RGS7: variants seen among roughly 807,000 people sequenced by gnomAD.
RGS7 encodes the protein regulator of G protein signaling 7.
In RGS7, 27 loss-of-function variants were observed where a neutral mutation model predicts 81.1. That is an observed-to-expected ratio of 0.33 (90% CI 0.25 to 0.46). RGS7 has a LOEUF of 0.46. RGS7 is among the 20% of genes least tolerant of loss of function. The pLI is 1.00. For synonymous variants in RGS7, 208 were observed against 207.7 expected, an observed-to-expected ratio of 1.00 and a Z score of -0.01; for missense variants, 396 against 607.4, an observed-to-expected ratio of 0.65 and a Z score of 3.66.
intron 6 of RGS7, among the ~76,000 whole-genome samples, chr1:240,889,861 T>G (rs554027277): frequency 2.6e-5 from 4 of 152,166 alleles, no homozygotes; most frequent in Admixed American, 2.0e-4. Flanking sequence ...TCTTGTAGTG[T>G]CCCCTCCTCC....
At chr1:241,176,466 T>G (rs1286045708) in intron 2 of RGS7, among the ~76,000 whole-genome samples, 1 of 152,130 alleles carries the variant, frequency 6.6e-6, no homozygotes, top group Non-Finnish European at 1.5e-5. Context: ...AATCCTCAAG[T>G]GCATTTCCCC....
chr1:241,057,582 T>TTCTG (rs60127817), intron 3 of RGS7, among the ~76,000 whole-genome samples: 148,675 of 152,128 alleles, frequency 0.98, 72,747 homozygotes, highest in East Asian at 1. Context: ...ACTCTTATTC[T>TTCTG]TCTTACTGTA....
At chr1:240,793,602 TATATATA>T (rs1184515616) in intron 18 of RGS7, among the ~76,000 whole-genome samples, 4 of 106,226 alleles carry the variant, frequency 3.8e-5, no homozygotes, top group African/African-American at 1.1e-4. Context: ...TATATATATA[TATATATA>T]TATTTTTTTT....
At chr1:241,324,094 G>A (rs182041189) in intron 2 of RGS7, among the ~76,000 whole-genome samples, 3 of 152,254 alleles carry the variant, frequency 2.0e-5, no homozygotes, top group Non-Finnish European at 4.4e-5. Flanking sequence ...TAGCACAGAC[G>A]GCTCCAATGT....
intron 2 of RGS7, among the ~76,000 whole-genome samples, chr1:241,314,243 A>G (rs932136741): frequency 1.3e-5 from 2 of 152,220 alleles, no homozygotes; most frequent in African/African-American, 2.4e-5. Flanking sequence ...GAAAGAGTCA[A>G]TCAATGCGGC....
At chr1:241,258,562 C>T (rs1339312283) in intron 2 of RGS7, among the ~76,000 whole-genome samples, 1 of 152,170 alleles carries the variant, frequency 6.6e-6, no homozygotes, top group Non-Finnish European at 1.5e-5. Context: ...AGGAGGAAAT[C>T]ATAAAATGTA....
chr1:240,951,316 T>C (rs909169569), intron 4 of RGS7, among the ~76,000 whole-genome samples: 1 of 152,120 alleles, frequency 6.6e-6, no homozygotes, highest in African/African-American at 2.4e-5. Flanking sequence ...AATTCGAATA[T>C]GACACAGAAA....
chr1:241,105,080 G>A (rs967248489), intron 2 of RGS7, among the ~76,000 whole-genome samples: 5 of 152,160 alleles, frequency 3.3e-5, no homozygotes, highest in Non-Finnish European at 5.9e-5. Context: ...GTAGCTCAGC[G>A]TAGGGCAGGT....
chr1:241,241,292 A>G (rs889760417), intron 2 of RGS7, among the ~76,000 whole-genome samples: 5 of 151,934 alleles, frequency 3.3e-5, no homozygotes, highest in Non-Finnish European at 5.9e-5. Context: ...TCATTTTTCT[A>G]TGACTACTAT....
At position 241,144,815 on chromosome 1, in the gene RGS7, T is replaced by A. The variant is rs2068183299; in HGVS notation, c.79-46053A>T. 6.6e-6 allele frequency among the ~76,000 whole-genome samples: 1 copy of A among 152,122 alleles called. No homozygotes were observed. The highest frequency in any genetic ancestry group is 6.5e-5 in the Admixed American group (1 of 15,274). On this transcript the variant is annotated intron_variant, in intron 2 of 18. Transcript: ENST00000440928. This position sits in a 1 kb window ranked among gnomAD's most constrained non-coding sequence, Gnocchi z 4.7. ...GGAACTCGTTGAGGTTGCAGGAACA[T>A]ACAGAAGATCATTTCTCCTCTTTCA...
At chr1:240,918,425 A>G (rs1558464203) in intron 6 of RGS7, among the ~76,000 whole-genome samples, 1 of 152,206 alleles carries the variant, frequency 6.6e-6, no homozygotes, top group Non-Finnish European at 1.5e-5. Flanking sequence ...GAATTAAACT[A>G]GAAATCAACA....
At chr1:240,872,778 T>C (rs1032357643) in intron 6 of RGS7, among the ~76,000 whole-genome samples, 1 of 152,178 alleles carries the variant, frequency 6.6e-6, no homozygotes, top group Non-Finnish European at 1.5e-5. Context: ...CACTCATGCA[T>C]AGTCAAAACT....
chr1:240,969,599 A>C (rs1420067206), intron 4 of RGS7, among the ~76,000 whole-genome samples: 1 of 152,170 alleles, frequency 6.6e-6, no homozygotes, highest in African/African-American at 2.4e-5. Flanking sequence ...ATAGCTGACA[A>C]CTCTAATAAA....
At chr1:240,870,362 G>A (rs1286426129) in intron 6 of RGS7, among the ~76,000 whole-genome samples, 1 of 151,582 alleles carries the variant, frequency 6.6e-6, no homozygotes, top group South Asian at 2.1e-4. Flanking sequence ...TTCAGAGATG[G>A]TCTTACTCTG....
At chr1:241,018,760 A>G (rs2059397035) in intron 3 of RGS7, among the ~76,000 whole-genome samples, 1 of 151,904 alleles carries the variant, frequency 6.6e-6, no homozygotes, top group African/African-American at 2.4e-5. Context: ...CAAGGGGTAG[A>G]GGTTTTTCCT....
At position 240,831,630 on chromosome 1, in the gene RGS7, C is replaced by CTTTTT. The variant is rs767275119; in HGVS notation, c.610-4463_610-4459dup. 3.0e-5 allele frequency among the ~76,000 whole-genome samples: 4 copies of CTTTTT among 135,398 alleles called. 1 individual carries two copies. The highest frequency in any genetic ancestry group is 1.6e-5 in the Non-Finnish European group (1 of 62,526). The allele number at this position is 135,398 out of a possible 152,430, so 88.8% of individuals were successfully genotyped here. A position where few individuals can be genotyped will look rare whatever the true frequency, so the allele number is the denominator to read the frequency against. On this transcript the variant is annotated intron_variant, in intron 9 of 18. Transcript: ENST00000440928. ...ATGACAACAGAACATTCCAGACATC[C>CTTTTT]TTTTTTTTTTTTTTTTTTTCCTGAG...
intron 2 of RGS7, among the ~76,000 whole-genome samples, chr1:241,303,274 T>C (rs1401436040): frequency 6.6e-6 from 1 of 152,114 alleles, no homozygotes; most frequent in Non-Finnish European, 1.5e-5. Flanking sequence ...AATCTGGTAG[T>C]TTAAAAATGT....
chr1:240,827,725 G>A (rs545476198), intron 9 of RGS7, among the ~76,000 whole-genome samples: 284 of 152,026 alleles, frequency 1.9e-3, no homozygotes, highest in African/African-American at 5.3e-3. Flanking sequence ...TTAGCTGGGC[G>A]TGGTGGCGGG....
chr1:240,884,878 T>G (rs1021464401), intron 6 of RGS7, among the ~76,000 whole-genome samples: 5 of 152,092 alleles, frequency 3.3e-5, no homozygotes, highest in Non-Finnish European at 5.9e-5. Context: ...CAAAAGCAAC[T>G]GCAACAAAAG....
Sources: allele counts gnomAD v4.1 joint callset (sites outside exome capture counted in the v4.1 genomes callset), GRCh38; gene constraint gnomAD v4.1.1; non-coding constraint Gnocchi (gnomAD v3.1); transcripts MANE v1.5; gene names NCBI Gene and HGNC (gene_info 2026-07-23, HGNC 2026-07-21).